NPY1R: variants seen among roughly 807,000 people sequenced by gnomAD.
NPY1R encodes neuropeptide Y receptor Y1.
NPY1R carries 10 observed loss-of-function variants against 24.1 expected under a neutral mutation model. The ratio of observed to expected loss-of-function variants is 0.42; its 90% confidence interval spans 0.26 to 0.71. The LOEUF is 0.71. Among genes scored for constraint, NPY1R ranks in the 30% least tolerant of loss-of-function variants. The pLI, the probability that NPY1R is intolerant of heterozygous loss-of-function variation, is 0.28. For synonymous variants in NPY1R, 168 were observed against 165.9 expected (o/e 1.01, Z -0.10); for missense variants, 350 against 458.0 (o/e 0.76, Z 2.15).
intron 1 of NPY1R, among the ~76,000 whole-genome samples, chr4:163,340,956 C>A (rs1734965750): frequency 1.3e-5 from 2 of 152,076 alleles, no homozygotes; most frequent in African/African-American, 4.8e-5. Flanking sequence ...GCTTAAGGAG[C>A]ACAGTGTTTA....
At chr4:163,340,300 C>T (rs961794379) in intron 1 of NPY1R, among the ~76,000 whole-genome samples, 10 of 151,160 alleles carry the variant, frequency 6.6e-5, no homozygotes, top group African/African-American at 2.2e-4. Flanking sequence ...TCCATGCTCT[C>T]TTCTTGTACA....
upstream of NPY1R, among the ~76,000 whole-genome samples, chr4:163,338,010 T>A (rs1734883961): frequency 6.6e-6 from 1 of 152,242 alleles, no homozygotes; most frequent in African/African-American, 2.4e-5. Flanking sequence ...CAACTGAGCA[T>A]CCACTGTTTC....
At chr4:163,343,016 A>G (rs62333383) in intron 1 of NPY1R, among the ~76,000 whole-genome samples, 69,105 of 136,234 alleles carry the variant, frequency 0.51, 17,722 homozygotes, top group Middle Eastern at 0.67. Context: ...ACACACACAC[A>G]CACGCGCGCG....
At chr4:163,332,260 A>C (rs527327391) in intron 1 of NPY1R, among the ~76,000 whole-genome samples, 1 of 152,098 alleles carries the variant, frequency 6.6e-6, no homozygotes, top group South Asian at 2.1e-4. Flanking sequence ...CGCGTAGGGT[A>C]CCCTCTCCTT....
Position 163,326,258 on chromosome 4 carries a change from G to A in NPY1R, c.297C>T (p.Val99=), listed in dbSNP as rs368406189. The A allele has an allele frequency of 6.2e-7, 1 of 1,614,164 alleles. No individual in the cohort carries two copies. Among genetic ancestry groups the A allele is most frequent in the Non-Finnish European group, 8.5e-7 (1 of 1,179,984 alleles). ...AGACCCAGTGGTCCATTAATGTGTAGACAAATGTAAAGGGGAGACACATGA... is the reference window on the plus strand; with the variant it reads ...AGACCCAGTGGTCCATTAATGTGTAAACAAATGTAAAGGGGAGACACATGA... ...VAIMCLPFTF[V]YTLMDHWVFG... Residue 99 remains valine, a synonymous_variant, in exon 2 of 3, where the codon GTC becomes GTT. Transcript: ENST00000296533.
Position 163,328,098 on chromosome 4 carries a change from T to TA in NPY1R, c.-151-1394_-151-1393insT, listed in dbSNP as rs538021397. On this transcript the variant is annotated intron_variant, in intron 1 of 2. Transcript: ENST00000296533. ...TTTCTAGAACATGAGTTTTTTTTTT[T>TA]TTATTATGAAACCATGATTTGGCCT... Among the ~76,000 whole-genome samples, 238 of 152,144 alleles carry TA rather than the reference T, an allele frequency of 1.6e-3. 1 individual carries two copies. The highest frequency in any genetic ancestry group is 2.4e-3 in the Non-Finnish European group (162 of 67,972).
chr4:163,325,684 G>T lies in NPY1R; in HGVS notation c.774C>A (p.Thr258=). ...MRDNKYRSSE[T]KRINIMLLSI... The stretch of plus-strand genomic sequence containing the variant: ...AGAGCAGCATGATATTGATTCTTTT[G>T]GTTTCACTGGACCTGTACTTATTGT... Residue 258 remains threonine (T), a synonymous_variant, in exon 3 of 3, where the codon ACC becomes ACA. Coordinates refer to ENST00000296533, the MANE Select transcript of NPY1R (RefSeq NM_000909.6). 1 of 1,604,284 alleles carries T rather than the reference G, an allele frequency of 6.2e-7. No individual in the cohort carries two copies. The highest frequency in any genetic ancestry group is 8.5e-7 in the Non-Finnish European group (1 of 1,179,066).
At position 163,326,205 on chromosome 4, in the gene NPY1R, G is replaced by A. The variant is rs1313572042; in HGVS notation, c.350C>T (p.Pro117Leu). 1.2e-6 allele frequency: 2 copies of A among 1,614,090 alleles called. No individual in the cohort carries two copies. Among genetic ancestry groups the A allele is most frequent in the Admixed American group, 3.3e-5 (2 of 60,018 alleles). The part of the protein sequence containing the change: ...VFGEAMCKLN[P>L]FVQCVSITVS... ...AGTGATTGAAACACATTGCACAAAA[G>A]GATTCAACTTACACATCGCCTCACC... The change falls in exon 2 of 3, where the codon CCT becomes CTT. Residue 117 changes from proline (P) to leucine (L), a missense_variant. Physicochemically the swap from Pro to Leu is moderately conservative, Grantham distance 98. Transcript: ENST00000296533.
intron 1 of NPY1R, among the ~76,000 whole-genome samples, chr4:163,329,241 A>G (rs1734674339): frequency 6.6e-6 from 1 of 152,220 alleles, no homozygotes; most frequent in Non-Finnish European, 1.5e-5. Flanking sequence ...AGAGAAAGAC[A>G]AGAAAAAAAT....
chr4:163,344,179 G>C (rs945416296), intron 1 of NPY1R: 1 of 152,942 alleles, frequency 6.5e-6, no homozygotes, highest in African/African-American at 2.4e-5. Context: ...AAGGTGAAGG[G>C]AGCGCGGCTG....
intron 1 of NPY1R, among the ~76,000 whole-genome samples, chr4:163,340,238 T>A (rs1316075550): frequency 6.6e-6 from 1 of 151,966 alleles, no homozygotes; most frequent in Non-Finnish European, 1.5e-5. Context: ...AGGAAATAAT[T>A]GTATGGCCTA....
intron 1 of NPY1R, among the ~76,000 whole-genome samples, chr4:163,327,411 AAAG>A (rs1250585876): frequency 6.6e-6 from 1 of 152,232 alleles, no homozygotes; most frequent in African/African-American, 2.4e-5. Flanking sequence ...GTACAAGTTA[AAAG>A]TAGGACCAAG....
At chr4:163,331,988 G>A (rs1459463315) in intron 1 of NPY1R, among the ~76,000 whole-genome samples, 1 of 152,182 alleles carries the variant, frequency 6.6e-6, no homozygotes, top group Non-Finnish European at 1.5e-5. Flanking sequence ...CACCTGCCGC[G>A]GGACCCGTGC....
At chr4:163,329,011 A>G (rs1734669403) in intron 1 of NPY1R, among the ~76,000 whole-genome samples, 1 of 152,206 alleles carries the variant, frequency 6.6e-6, no homozygotes, top group African/African-American at 2.4e-5. Flanking sequence ...CAATAGCTCA[A>G]TTCCATCATA....
At chr4:163,333,897 T>C (rs1457717130), upstream of NPY1R, among the ~76,000 whole-genome samples, 1 of 152,208 alleles carries the variant, frequency 6.6e-6, no homozygotes, top group African/African-American at 2.4e-5. Flanking sequence ...GATTATGTAA[T>C]GATTGTACTA....
intron 1 of NPY1R, among the ~76,000 whole-genome samples, chr4:163,329,910 A>G (rs1429338966): frequency 3.3e-5 from 5 of 151,194 alleles, no homozygotes; most frequent in Non-Finnish European, 7.4e-5. Context: ...TTTTTTTTTT[A>G]TGGTCTGTGC....
chr4:163,340,257 T>C (rs970602016), intron 1 of NPY1R, among the ~76,000 whole-genome samples: 2 of 152,028 alleles, frequency 1.3e-5, no homozygotes, highest in Admixed American at 1.3e-4. Context: ...TATATATGGA[T>C]TGACATAATA....
At chr4:163,339,727 T>C (rs1734931606) in intron 1 of NPY1R, among the ~76,000 whole-genome samples, 2 of 152,186 alleles carry the variant, frequency 1.3e-5, no homozygotes, top group Non-Finnish European at 2.9e-5. Flanking sequence ...ATTTTATGCA[T>C]AGTCTGCTTA....
intron 1 of NPY1R, among the ~76,000 whole-genome samples, chr4:163,327,029 T>C (rs1008368392): frequency 6.6e-6 from 1 of 152,106 alleles, no homozygotes; most frequent in Non-Finnish European, 1.5e-5. Context: ...TATGAATGTA[T>C]AAAAACCACT....
Sources: gnomAD v4.1 joint callset for allele counts (sites outside exome capture counted in the v4.1 genomes callset) on GRCh38, gnomAD v4.1.1 for gene constraint, MANE v1.5 for transcripts, NCBI Gene and HGNC (gene_info 2026-07-23, HGNC 2026-07-21) for gene names.